The following POC1B variants were observed in gnomAD, a reference collection of about 807,000 sequenced individuals.
POC1B encodes POC1 centriolar protein homolog B.
Under a neutral mutation model 60.6 loss-of-function variants are expected in POC1B, and 44 were observed. That is an observed-to-expected ratio of 0.73 (90% CI 0.57 to 0.93). The LOEUF (loss-of-function observed/expected upper bound fraction) is 0.93, where lower values mean the gene tolerates loss of function less well. Ranked by LOEUF, POC1B falls within the 40% of genes least tolerant of loss-of-function variation. POC1B has a pLI of 0.00. For synonymous variants in POC1B, 180 were observed against 198.9 expected (o/e 0.90, Z 0.80); for missense variants, 555 against 572.3 (o/e 0.97, Z 0.31).
chr12:89,442,670 T>C (rs905295894), intron 10 of POC1B, among the ~76,000 whole-genome samples: 3 of 152,184 alleles, frequency 2.0e-5, no homozygotes, highest in Admixed American at 6.5e-5. Flanking sequence ...GTAAAGACCA[T>C]TGATGCTAGG....
chr12:89,502,615 T>C, intron 2 of POC1B: 1 of 1,300,690 alleles, frequency 7.7e-7, no homozygotes, highest in Non-Finnish European at 1.1e-6. Flanking sequence ...CAAGAGAGAT[T>C]ATTCTCATGG....
intron 4 of POC1B, among the ~76,000 whole-genome samples, chr12:89,486,820 C>T (rs1446386014): frequency 1.3e-5 from 2 of 152,042 alleles, no homozygotes; most frequent in Non-Finnish European, 2.9e-5. Flanking sequence ...AGTATCACTT[C>T]CTATGGAAAG....
chr12:89,525,782 T>A (rs752030003), intron 1 of POC1B, 99 bp downstream of exon 1: 6 of 1,377,760 alleles, frequency 4.4e-6, no homozygotes, highest in Non-Finnish European at 5.7e-6. Context: ...GACACCTGCC[T>A]CCATCTCCCT....
At chr12:89,464,735 C>T (rs1400048190) in intron 9 of POC1B, among the ~76,000 whole-genome samples, 1 of 150,892 alleles carries the variant, frequency 6.6e-6, no homozygotes, top group Non-Finnish European at 1.5e-5. Context: ...AGCCGCCCAC[C>T]TCGGCCTTCC....
At chr12:89,525,413 G>A (rs927803096) in intron 1 of POC1B, 3 of 1,387,534 alleles carry the variant, frequency 2.2e-6, no homozygotes, top group Non-Finnish European at 2.8e-6. Context: ...TCTCCCCGCA[G>A]AGCCCGCAAA....
chr12:89,503,623 G>A (rs1869719420), intron 2 of POC1B, among the ~76,000 whole-genome samples: 1 of 150,202 alleles, frequency 6.7e-6, no homozygotes, highest in South Asian at 2.1e-4. Flanking sequence ...CCCATCGTCT[G>A]AGATGTGGGG....
rs770051937 is a variant in POC1B, at chr12:89,497,293, A to G, written c.150T>C (p.His50=). The change falls in exon 3 of 12, where the codon CAT becomes CAC. Residue 50 remains histidine (H), a synonymous_variant. Coordinates refer to ENST00000313546, the MANE Select transcript of POC1B (RefSeq NM_172240.3). Reference sequence around the variant, plus strand: ...GACCCACATATCTGTAAGCTCTAGCATGTGGCTTGAAATTCCATAGCATGA... The same window carrying G: ...GACCCACATATCTGTAAGCTCTAGCGTGTGGCTTGAAATTCCATAGCATGA... ...TFLMLWNFKP[H]ARAYRYVGHK... 6.2e-7 allele frequency: 1 copy of G among 1,613,096 alleles called. No homozygotes were observed. The highest frequency in any genetic ancestry group is 2.2e-5 in the East Asian group (1 of 44,884).
the POC1B span, among the ~76,000 whole-genome samples, chr12:89,410,263 T>A: frequency 0.15 from 22,388 of 152,234 alleles, 1,972 homozygotes; most frequent in South Asian, 0.32. Context: ...CATCCCTTCA[T>A]GCTAAAAACA....
intron 4 of POC1B, among the ~76,000 whole-genome samples, chr12:89,474,344 T>C (rs1592611478): frequency 1.3e-5 from 2 of 152,230 alleles, no homozygotes; most frequent in Non-Finnish European, 2.9e-5. Context: ...ACTTAACTCT[T>C]ACATTTCAAG....
At chr12:89,524,704 G>A (rs1184448115) in intron 2 of POC1B, 3 of 772,826 alleles carry the variant, frequency 3.9e-6, no homozygotes, top group Admixed American at 2.8e-5. Flanking sequence ...CTTTCCAGGG[G>A]TCACCTGAGC....
At chr12:89,427,239 C>T (rs1186048493) in intron 10 of POC1B, 6 of 152,162 alleles carry the variant, frequency 3.9e-5, no homozygotes, top group Admixed American at 3.9e-4. Flanking sequence ...GAAATAAACC[C>T]TTCCATTTAT....
At chr12:89,445,071 G>A (rs1881717039) in intron 10 of POC1B, among the ~76,000 whole-genome samples, 1 of 152,124 alleles carries the variant, frequency 6.6e-6, no homozygotes, top group African/African-American at 2.4e-5. Context: ...ACCTCTTCAA[G>A]GAGAACTAGA....
intron 2 of POC1B, among the ~76,000 whole-genome samples, chr12:89,508,417 T>C (rs1870009542): frequency 1.3e-5 from 2 of 152,202 alleles, no homozygotes; most frequent in Non-Finnish European, 2.9e-5. Context: ...TGGTAGCATG[T>C]TTGTTAATTT....
intron 9 of POC1B, among the ~76,000 whole-genome samples, chr12:89,463,055 T>C: frequency 6.6e-6 from 1 of 152,280 alleles, no homozygotes; most frequent in East Asian, 1.9e-4. Context: ...CTTAAAAACT[T>C]AAATTGATCA....
chr12:89,476,442 C>G (rs1273399647), intron 4 of POC1B, among the ~76,000 whole-genome samples: 1 of 152,178 alleles, frequency 6.6e-6, no homozygotes, highest in Non-Finnish European at 1.5e-5. Flanking sequence ...CGTGTGGTGG[C>G]TCATGCCTGT....
At chr12:89,517,792 C>T (rs1170082592) in intron 2 of POC1B, among the ~76,000 whole-genome samples, 1 of 152,212 alleles carries the variant, frequency 6.6e-6, no homozygotes, top group Non-Finnish European at 1.5e-5. Context: ...TTATGAAGCA[C>T]ATCTGCTTTC....
chr12:89,445,978 A>G (rs1263059539), intron 10 of POC1B, among the ~76,000 whole-genome samples: 1 of 152,278 alleles, frequency 6.6e-6, no homozygotes, highest in Admixed American at 6.5e-5. Context: ...GAAGACATTT[A>G]TGCAGCCAAC....
At chr12:89,506,232 T>C (rs756093942) in intron 2 of POC1B, among the ~76,000 whole-genome samples, 5 of 152,250 alleles carry the variant, frequency 3.3e-5, no homozygotes, top group Non-Finnish European at 5.9e-5. Context: ...TGCTGTCACT[T>C]ACTGCTGTGT....
intron 1 of POC1B, chr12:89,525,547 G>T: frequency 1.5e-6 from 2 of 1,292,198 alleles, no homozygotes; most frequent in Non-Finnish European, 2.0e-6. Context: ...CCTCGGCTTT[G>T]GTACTTTTTT....
Sources: allele counts gnomAD v4.1 joint callset (sites outside exome capture counted in the v4.1 genomes callset), GRCh38; gene constraint gnomAD v4.1.1; transcripts MANE v1.5; gene names NCBI Gene and HGNC (gene_info 2026-07-23, HGNC 2026-07-21).